Variants in MARCHF3 observed in about 807,000 individuals in gnomAD.
MARCHF3 encodes the protein E3 ubiquitin-protein ligase MARCHF3.
A neutral mutation model predicts 24.2 loss-of-function variants in MARCHF3; 13 were observed. That is an observed-to-expected ratio of 0.54 (90% CI 0.35 to 0.85). The LOEUF (loss-of-function observed/expected upper bound fraction) is 0.85, where lower values mean the gene tolerates loss of function less well. MARCHF3 is among the 40% of genes least tolerant of loss of function. MARCHF3 has a pLI of 0.01. For synonymous variants in MARCHF3, 144 were observed against 137.3 expected (o/e 1.05, Z -0.34); for missense variants, 276 against 325.0 (o/e 0.85, Z 1.16).
chr5:127,011,452 A>C (rs1180096951), intron 1 of MARCHF3, among the ~76,000 whole-genome samples: 1 of 152,226 alleles, frequency 6.6e-6, no homozygotes, highest in Admixed American at 6.5e-5. Context: ...GTCTGAGCCC[A>C]AAAAATGAGG....
At chr5:126,998,528 G>A (rs56689722) in intron 1 of MARCHF3, among the ~76,000 whole-genome samples, 3,119 of 152,236 alleles carry the variant, frequency 0.02, 75 homozygotes, top group South Asian at 0.12. Context: ...AGCATTTCAC[G>A]GCTGAGGCCA....
At chr5:127,000,371 CCTAGCGTGG>C (rs1474450555) in intron 1 of MARCHF3, among the ~76,000 whole-genome samples, 33 of 152,262 alleles carry the variant, frequency 2.2e-4, no homozygotes, top group African/African-American at 7.0e-4. Flanking sequence ...GTTCAGTGGG[CCTAGCGTGG>C]CTAAGTTATT....
chr5:126,935,506 A>AT (rs1749613756), intron 1 of MARCHF3, among the ~76,000 whole-genome samples: 1 of 150,032 alleles, frequency 6.7e-6, no homozygotes, highest in Non-Finnish European at 1.5e-5. Context: ...AGAGAAATAG[A>AT]TATATATGTT....
chr5:126,879,283 C>T (rs1753273065), intron 3 of MARCHF3, among the ~76,000 whole-genome samples: 1 of 152,222 alleles, frequency 6.6e-6, no homozygotes, highest in Non-Finnish European at 1.5e-5. Context: ...CTGTAATAAA[C>T]CATAACCATA....
At position 126,929,788 on chromosome 5, in the gene MARCHF3, T is replaced by C. The variant is rs544371715; in HGVS notation, c.-56-11561A>G. On this transcript the variant is annotated intron_variant, in intron 1 of 4. Transcript: ENST00000308660. ...ATTGTGGGAGGGACCTGGTGGGAGA[T>C]AATTGAATCATGGGGGCAGGTCTTT... Among the ~76,000 whole-genome samples, 24 of 152,338 alleles carry C rather than the reference T, an allele frequency of 1.6e-4. No individual in the cohort carries two copies. In the East Asian group the frequency reaches 4.0e-3, roughly 26 times the overall value.
At position 126,870,513 on chromosome 5, in the gene MARCHF3, TG is replaced by T. The variant is rs1428982052; in HGVS notation, c.*119del. 11 of 842,196 alleles carry T rather than the reference TG, an allele frequency of 1.3e-5. No individual in the cohort carries two copies. Among genetic ancestry groups the T allele is most frequent in the Admixed American group, 1.2e-4 (5 of 41,286 alleles). The allele number at this position is 842,196 out of a possible 1,614,324, so 52.2% of individuals were successfully genotyped here. A position where few individuals can be genotyped will look rare whatever the true frequency, so the allele number is the denominator to read the frequency against. ...CTTGGAGTGATGTGCTAATATGCTC[TG>T]GATGTTCTTAGACCCACAGGCTTAA... On this transcript the variant is annotated 3_prime_UTR_variant, in exon 5 of 5. Transcript: ENST00000308660.
At chr5:126,998,698 G>A (rs1228437043) in intron 1 of MARCHF3, among the ~76,000 whole-genome samples, 1 of 152,108 alleles carries the variant, frequency 6.6e-6, no homozygotes, top group Non-Finnish European at 1.5e-5. Context: ...GCCCACAGAT[G>A]TTTCTGTGGC....
At chr5:126,955,165 G>A (rs1750398850) in intron 1 of MARCHF3, among the ~76,000 whole-genome samples, 1 of 152,120 alleles carries the variant, frequency 6.6e-6, no homozygotes, top group Admixed American at 6.5e-5. Context: ...ATATTTATGT[G>A]CATCAGCAAT....
chr5:126,977,584 TAG>T (rs1751245796), intron 1 of MARCHF3, among the ~76,000 whole-genome samples: 2 of 152,176 alleles, frequency 1.3e-5, no homozygotes, highest in Non-Finnish European at 2.9e-5. Flanking sequence ...GATAAATTTC[TAG>T]AGAGCAATAA....
At chr5:126,931,972 T>C (rs1749493142) in intron 1 of MARCHF3, among the ~76,000 whole-genome samples, 1 of 152,238 alleles carries the variant, frequency 6.6e-6, no homozygotes, top group South Asian at 2.1e-4. Flanking sequence ...TATGCCTCCT[T>C]AAGCCAGGGA....
chr5:126,901,757 T>C (rs1381494485), intron 3 of MARCHF3, among the ~76,000 whole-genome samples: 1 of 152,098 alleles, frequency 6.6e-6, no homozygotes, highest in Non-Finnish European at 1.5e-5. Context: ...AATTTATGTC[T>C]CCCTTCAGCT....
Position 126,899,932 on chromosome 5 carries a change from G to T in MARCHF3, c.393+14998C>A, listed in dbSNP as rs73783483. Among the ~76,000 whole-genome samples, 1,288 of 152,068 alleles carry T rather than the reference G, an allele frequency of 8.5e-3. 24 individuals carry two copies. Among genetic ancestry groups the T allele is most frequent in the East Asian group, 0.026 (133 of 5,174 alleles). Reference sequence around the variant, plus strand: ...CCTACCTTGACACATCATCACCAAAGCTCATGCCTTACATTAGAGTTAACT... The same window carrying T: ...CCTACCTTGACACATCATCACCAAATCTCATGCCTTACATTAGAGTTAACT... On this transcript the variant is annotated intron_variant, in intron 3 of 4. Transcript: ENST00000308660.
chr5:126,917,984 C>T lies in MARCHF3; in HGVS notation c.188G>A (p.Ser63Asn). The T allele has an allele frequency of 6.2e-7, 1 of 1,613,258 alleles. No homozygotes were observed. Among genetic ancestry groups the T allele is most frequent in the Non-Finnish European group, 8.5e-7 (1 of 1,179,614 alleles). The change falls in exon 2 of 5, where the codon AGC (serine) becomes AAC (asparagine). Residue 63 changes from serine to asparagine, a missense_variant and splice_region_variant. Transcript: ENST00000308660. ...TCATTTATTTTAATTGTGGTACTACCTCTGGGTGGCAAGAGTCCGCACTAC... is the reference window on the plus strand; with the variant it reads ...TCATTTATTTTAATTGTGGTACTACTTCTGGGTGGCAAGAGTCCGCACTAC... ...STVVRTLATQ[S>N]PFNDRPMCRI...
chr5:126,990,345 T>C (rs374262996), intron 1 of MARCHF3, among the ~76,000 whole-genome samples: 2 of 152,088 alleles, frequency 1.3e-5, no homozygotes, highest in Non-Finnish European at 2.9e-5. Flanking sequence ...GCTAGCCATA[T>C]GTAGAAAGCT....
At chr5:126,971,400 G>A (rs1398863412) in intron 1 of MARCHF3, among the ~76,000 whole-genome samples, 2 of 148,082 alleles carry the variant, frequency 1.4e-5, no homozygotes, top group Non-Finnish European at 3.0e-5. Context: ...AGTGAGCCGA[G>A]GTCGCGCCAC....
rs139557356 is a variant in MARCHF3, at chr5:126,890,135, G to A, written c.394-11741C>T. On this transcript the variant is annotated intron_variant, in intron 3 of 4. Coordinates refer to ENST00000308660, the MANE Select transcript of MARCHF3 (RefSeq NM_178450.5). ...TCAGATTACCAGGTGAAGACACCTC[G>A]CTGTGTTATCTGAGCAGAGGGCAAT... is the stretch of plus-strand genomic sequence containing the variant. Among the ~76,000 whole-genome samples, 259 of 152,228 alleles carry A rather than the reference G, an allele frequency of 1.7e-3. 2 individuals carry two copies. The highest frequency in any genetic ancestry group is 5.6e-3 in the African/African-American group (234 of 41,546).
intron 1 of MARCHF3, among the ~76,000 whole-genome samples, chr5:127,021,539 A>G (rs970344671): frequency 1.3e-5 from 2 of 152,238 alleles, no homozygotes; most frequent in African/African-American, 4.8e-5. Context: ...GACCATAATT[A>G]AAACAGAATA....
chr5:126,973,212 G>T (rs1222138413), intron 1 of MARCHF3, among the ~76,000 whole-genome samples: 4 of 152,160 alleles, frequency 2.6e-5, no homozygotes, highest in Admixed American at 2.0e-4. Context: ...AACCAACCTC[G>T]TTATGAATTC....
rs145366093 is a variant in MARCHF3, at chr5:126,976,924, C to T, written c.-57+53426G>A. ...CGATCCTGGGTTTGCTTCTTGGTCCCATCCTCCAAGACAATTCCTAGGAGC... is the reference window on the plus strand; with the variant it reads ...CGATCCTGGGTTTGCTTCTTGGTCCTATCCTCCAAGACAATTCCTAGGAGC... On this transcript the variant is annotated intron_variant, in intron 1 of 4. Coordinates refer to ENST00000308660, the MANE Select transcript of MARCHF3 (RefSeq NM_178450.5). 2.9e-3 allele frequency among the ~76,000 whole-genome samples: 449 copies of T among 152,348 alleles called. 6 individuals are homozygous for T. Among genetic ancestry groups the T allele is most frequent in the African/African-American group, 0.01 (430 of 41,574 alleles).
Sources: gnomAD v4.1 joint callset for allele counts (sites outside exome capture counted in the v4.1 genomes callset) on GRCh38, gnomAD v4.1.1 for gene constraint, MANE v1.5 for transcripts, NCBI Gene and HGNC (gene_info 2026-07-23, HGNC 2026-07-21) for gene names.